Variants in SHISA5 observed in about 807,000 individuals in gnomAD.
SHISA5 encodes the protein protein shisa-5.
A neutral mutation model predicts 27.5 loss-of-function variants in SHISA5; 21 were observed. The ratio of observed to expected loss-of-function variants is 0.76; its 90% confidence interval spans 0.54 to 1.10. The LOEUF is 1.10. Ranked by LOEUF, SHISA5 falls within the 50% of genes least tolerant of loss-of-function variation. The probability of loss-of-function intolerance (pLI) is 0.00; values close to 1 mark genes in which losing one functional copy is unlikely to be tolerated. For synonymous variants in SHISA5, 137 were observed against 142.2 expected, an observed-to-expected ratio of 0.96 and a Z score of 0.26; for missense variants, 314 against 336.3, an observed-to-expected ratio of 0.93 and a Z score of 0.52.
chr3:48,480,611 T>C (rs1190135193), intron 2 of SHISA5, among the ~76,000 whole-genome samples: 4 of 151,898 alleles, frequency 2.6e-5, no homozygotes. Context: ...ATACAAAAAT[T>C]AGCCGGGCTC....
chr3:48,473,160 G>A lies in SHISA5; in HGVS notation c.315-3317C>T. On this transcript the variant is annotated intron_variant, in intron 3 of 5. Coordinates refer to ENST00000296444, the MANE Select transcript of SHISA5 (RefSeq NM_016479.6). This position sits in a 1 kb window ranked among gnomAD's most constrained non-coding sequence, Gnocchi z 4.3. ...GATGACGTCAGCCACAGGAAGCACAGACGCGAAGCCCCGTTCCACCCTCTT... is the reference window on the plus strand; with the variant it reads ...GATGACGTCAGCCACAGGAAGCACAAACGCGAAGCCCCGTTCCACCCTCTT... 6.9e-7 allele frequency: 1 copy of A among 1,447,614 alleles called. No homozygotes were observed. The highest frequency in any genetic ancestry group is 9.1e-7 in the Non-Finnish European group (1 of 1,103,502). 89.7% of individuals were successfully genotyped at this position (1,447,614 alleles called of 1,614,324 possible).
At chr3:48,502,725 T>C (rs949071430) in intron 1 of SHISA5, among the ~76,000 whole-genome samples, 2 of 152,162 alleles carry the variant, frequency 1.3e-5, no homozygotes, top group African/African-American at 4.8e-5. Flanking sequence ...AGAGAATACC[T>C]AGTCCAGCAA....
intron 2 of SHISA5, among the ~76,000 whole-genome samples, chr3:48,487,487 C>CT (rs1372611064): frequency 6.6e-6 from 1 of 152,034 alleles, no homozygotes; most frequent in Non-Finnish European, 1.5e-5. Context: ...TTTGTCTTTC[C>CT]TAGGTATTTG....
At chr3:48,486,204 G>GA (rs565710054) in intron 2 of SHISA5, among the ~76,000 whole-genome samples, 1 of 46,118 alleles carries the variant, frequency 2.2e-5, no homozygotes, top group African/African-American at 8.4e-5. Flanking sequence ...GAAAACAGCA[G>GA]AAAAAACTGA....
chr3:48,498,589 A>C (rs1560134702), intron 2 of SHISA5, among the ~76,000 whole-genome samples: 1 of 148,882 alleles, frequency 6.7e-6, no homozygotes, highest in Non-Finnish European at 1.5e-5. Flanking sequence ...TGGGAAGCTG[A>C]GGCAGGATAA....
intron 1 of SHISA5, chr3:48,502,487 G>C (rs2041786415): frequency 2.3e-6 from 1 of 436,614 alleles, no homozygotes; most frequent in Admixed American, 2.5e-5. Flanking sequence ...CACAGAGTTG[G>C]GATCTACTGA....
intron 2 of SHISA5, among the ~76,000 whole-genome samples, chr3:48,486,657 C>T (rs2041258029): frequency 2.1e-5 from 3 of 139,940 alleles, no homozygotes; most frequent in Non-Finnish European, 3.0e-5. Context: ...CTTTGGGAGG[C>T]GGAGGCGGGT....
chr3:48,475,437 GGCGGCC>G (rs1392090142), intron 3 of SHISA5, among the ~76,000 whole-genome samples: 6 of 152,126 alleles, frequency 3.9e-5, no homozygotes, highest in Non-Finnish European at 7.4e-5. Context: ...GGGAGAACTC[GGCGGCC>G]TCCAAGAAAT....
intron 2 of SHISA5, among the ~76,000 whole-genome samples, chr3:48,494,544 T>A (rs913303107): frequency 2.0e-5 from 3 of 147,540 alleles, no homozygotes; most frequent in Non-Finnish European, 4.4e-5. Context: ...CCACCCCCCC[T>A]TGGCCTCCCA....
rs1029748747 is a variant in SHISA5, at chr3:48,504,131, C to G, written c.-37G>C. The G allele has an allele frequency of 1.1e-5, 12 of 1,102,666 alleles. No homozygotes were observed. Among genetic ancestry groups the G allele is most frequent in the Admixed American group, 4.2e-5 (1 of 23,686 alleles). The allele number at this position is 1,102,666 out of a possible 1,614,324, so 68.3% of individuals were successfully genotyped here. A position where few individuals can be genotyped will look rare whatever the true frequency, so the allele number is the denominator to read the frequency against. On this transcript the variant is annotated 5_prime_UTR_variant, in exon 1 of 6. Coordinates refer to ENST00000296444, the MANE Select transcript of SHISA5 (RefSeq NM_016479.6). The surrounding 1 kb of genome is among the most constrained non-coding windows in gnomAD (Gnocchi z 4.0). Reference sequence around the variant, plus strand: ...CGGACGGGCGGACGGACGCGAGCGCCGGGCGCAGTGCCGCCACAGCCTCAG... The same window carrying G: ...CGGACGGGCGGACGGACGCGAGCGCGGGGCGCAGTGCCGCCACAGCCTCAG...
At chr3:48,486,420 A>T (rs1306712961) in intron 2 of SHISA5, among the ~76,000 whole-genome samples, 1 of 98,190 alleles carries the variant, frequency 1.0e-5, no homozygotes, top group Non-Finnish European at 1.8e-5. Context: ...TATATTATAT[A>T]TTATATATTT....
intron 1 of SHISA5, chr3:48,503,171 C>T (rs773552701): frequency 2.1e-5 from 27 of 1,289,700 alleles, no homozygotes; most frequent in Non-Finnish European, 2.5e-5. Context: ...CTTCACAGCC[C>T]AATCTGAGCC....
upstream of SHISA5, chr3:48,504,212 C>A: frequency 2.4e-6 from 1 of 413,920 alleles, no homozygotes; most frequent in South Asian, 1.1e-4. This position sits in a 1 kb window ranked among gnomAD's most constrained non-coding sequence, Gnocchi z 4.0. Context: ...CCGGCTGGTT[C>A]CCGGAACCTC....
chr3:48,503,981 T>C, intron 1 of SHISA5, 38 bp downstream of exon 1: 7 of 1,454,130 alleles, frequency 4.8e-6, no homozygotes, highest in Non-Finnish European at 6.4e-6. Flanking sequence ...GTCTGCCCGG[T>C]CCCAGGGCAG....
At chr3:48,491,902 T>A (rs761276508) in intron 2 of SHISA5, among the ~76,000 whole-genome samples, 11 of 152,026 alleles carry the variant, frequency 7.2e-5, no homozygotes, top group Non-Finnish European at 8.8e-5. Flanking sequence ...GTGGCTATCC[T>A]TTGCCTGTCC....
Position 48,469,776 on chromosome 3 carries a change from A to T in SHISA5, c.382T>A (p.Phe128Ile). 2 of 1,614,136 alleles carry T rather than the reference A, an allele frequency of 1.2e-6. No individual in the cohort carries two copies. Among genetic ancestry groups the T allele is most frequent in the Non-Finnish European group, 1.7e-6 (2 of 1,179,998 alleles). ...VLSVVTIIIC[F>I]TCSCCCLYKT... is the part of the protein sequence containing the mutation. ...TAAAGGCAGCAGCAGGAGCAGGTGA[A>T]GCAGATGATGATAGTGACGACAGAC... Residue 128 changes from phenylalanine to isoleucine, a missense_variant, in exon 4 of 6, where the codon TTC becomes ATC. By Grantham distance (21) the Phe-to-Ile change is conservative (BLOSUM62 0). Transcript: ENST00000296444. The surrounding 1 kb of genome is among the most constrained non-coding windows in gnomAD (Gnocchi z 4.6).
At position 48,487,837 on chromosome 3, in the gene SHISA5, A is replaced by G. The variant is rs987778619; in HGVS notation, c.234-8580T>C. 2.0e-5 allele frequency among the ~76,000 whole-genome samples: 3 copies of G among 152,276 alleles called. No individual in the cohort carries two copies. In the East Asian group the frequency reaches 5.8e-4, roughly 29 times the overall value. ...CTTGAACCTGGGAGGCAGAGGTTGC[A>G]GTGAGCCAAGATCATGCCACTGCAC... On this transcript the variant is annotated intron_variant, in intron 2 of 5. Transcript: ENST00000296444.
intron 2 of SHISA5, among the ~76,000 whole-genome samples, chr3:48,481,108 G>GAATAAATA (rs567323998): frequency 1.3e-5 from 2 of 151,252 alleles, no homozygotes; most frequent in African/African-American, 4.9e-5. Context: ...AAAATAATAA[G>GAATAAATA]AATAAATAAA....
At chr3:48,489,706 C>A (rs753292332) in intron 2 of SHISA5, among the ~76,000 whole-genome samples, 1 of 147,996 alleles carries the variant, frequency 6.8e-6, no homozygotes. Flanking sequence ...CAGCTCACTG[C>A]AACCTTGATC....
Sources: gnomAD v4.1 joint callset for allele counts (sites outside exome capture counted in the v4.1 genomes callset) on GRCh38, gnomAD v4.1.1 for gene constraint, Gnocchi (gnomAD v3.1) non-coding constraint, MANE v1.5 for transcripts, NCBI Gene and HGNC (gene_info 2026-07-23, HGNC 2026-07-21) for gene names.